Variants in DMTN observed in about 807,000 individuals in gnomAD.
DMTN encodes the protein dematin.
Under a neutral mutation model 59.4 loss-of-function variants are expected in DMTN, and 27 were observed. That is an observed-to-expected ratio of 0.45 (90% CI 0.33 to 0.63). The LOEUF is 0.63. Among genes scored for constraint, DMTN ranks in the 20% least tolerant of loss-of-function variants. The pLI is 0.02. For synonymous variants in DMTN, 221 were observed against 203.7 expected, an observed-to-expected ratio of 1.08 and a Z score of -0.72; for missense variants, 451 against 528.9, an observed-to-expected ratio of 0.85 and a Z score of 1.45.
At chr8:22,080,280 G>T in intron 11 of DMTN, 36 bp downstream of exon 11, 1 of 1,614,096 alleles carries the variant, frequency 6.2e-7, no homozygotes, top group African/African-American at 1.3e-5. Flanking sequence ...GACTACGTGG[G>T]AGGAACGTGC....
At chr8:22,078,335 A>G (rs7017778) in intron 10 of DMTN, among the ~76,000 whole-genome samples, 143,197 of 151,586 alleles carry the variant, frequency 0.94, 67,751 homozygotes, top group East Asian at 0.99. Context: ...ACTGCACTCC[A>G]GCCTAGGCAA....
chr8:22,065,885 G>A (rs1483239998), intron 1 of DMTN, among the ~76,000 whole-genome samples: 1 of 146,744 alleles, frequency 6.8e-6, no homozygotes, highest in Non-Finnish European at 1.5e-5. Flanking sequence ...CTGTCACCCA[G>A]GCTGGAGTGC....
In DMTN at chr8:22,081,719, G is replaced by A; in HGVS notation, c.*256G>A. 1 of 577,236 alleles carries A rather than the reference G, an allele frequency of 1.7e-6. No individual in the cohort carries two copies. Among genetic ancestry groups the A allele is most frequent in the Non-Finnish European group, 3.2e-6 (1 of 313,738 alleles). The allele number at this position is 577,236 out of a possible 1,614,324, so 35.8% of individuals were successfully genotyped here. The stretch of plus-strand genomic sequence containing the variant: ...GCCAGTCTGGGCTCTGGCACACAGA[G>A]TTCATGTTTGCGCCCTCTCCCTGCC... On this transcript the variant is annotated 3_prime_UTR_variant, in exon 16 of 16. Coordinates refer to ENST00000358242, the MANE Select transcript of DMTN (RefSeq NM_001387751.1).
At chr8:22,051,262 C>T (rs1801327451), upstream of DMTN, among the ~76,000 whole-genome samples, 1 of 152,206 alleles carries the variant, frequency 6.6e-6, no homozygotes. Context: ...CAAGAACTCT[C>T]ACTAAGAATG....
In DMTN at chr8:22,069,060, G is replaced by A; in HGVS notation, c.294G>A (p.Glu98=). 6.2e-7 allele frequency: 1 copy of A among 1,611,638 alleles called. No homozygotes were observed. The highest frequency in any genetic ancestry group is 8.5e-7 in the Non-Finnish European group (1 of 1,178,786). Residue 98 remains glutamate, a splice_region_variant and synonymous_variant, in exon 5 of 16, where the codon GAG becomes GAA. Coordinates refer to ENST00000358242, the MANE Select transcript of DMTN (RefSeq NM_001387751.1). ...CCACATCCCCCCCACCATCCCCAGA[G>A]GTGAGTCTGCCCCACACCTGCAACT... ...PKSTSPPPSP[E]VWADSRSPGI... is the part of the protein sequence containing the mutation.
At position 22,058,844 on chromosome 8, in the gene DMTN, C is replaced by T. The variant is rs1049739459; in HGVS notation, c.-172+1708C>T. 3.9e-5 allele frequency among the ~76,000 whole-genome samples: 6 copies of T among 152,034 alleles called. No homozygotes were observed. Among genetic ancestry groups the T allele is most frequent in the Admixed American group, 2.0e-4 (3 of 15,284 alleles). On this transcript the variant is annotated intron_variant, in intron 1 of 15. Coordinates refer to ENST00000358242, the MANE Select transcript of DMTN (RefSeq NM_001387751.1). This position sits in a 1 kb window ranked among gnomAD's most constrained non-coding sequence, Gnocchi z 4.3. Reference sequence around the variant, plus strand: ...TAGGACAGACTTGGAGTTCAGGCTTCGCCTAAGTAAGGGACACCTCTGATG... The same window carrying T: ...TAGGACAGACTTGGAGTTCAGGCTTTGCCTAAGTAAGGGACACCTCTGATG...
intron 7 of DMTN, 66 bp from the exon 8 acceptor site, chr8:22,070,116 G>A: frequency 6.4e-7 from 1 of 1,555,392 alleles, no homozygotes; most frequent in Non-Finnish European, 8.7e-7. Context: ...TGAGGGGGGA[G>A]GGGTGAAGGT....
upstream of DMTN, among the ~76,000 whole-genome samples, chr8:22,053,080 G>A (rs1018885086): frequency 6.6e-5 from 10 of 152,148 alleles, no homozygotes; most frequent in African/African-American, 1.2e-4. Flanking sequence ...GGAAAATGAC[G>A]AGAGGAAAAA....
At chr8:22,052,838 A>G (rs1585566516), upstream of DMTN, among the ~76,000 whole-genome samples, 1 of 152,106 alleles carries the variant, frequency 6.6e-6, no homozygotes, top group Non-Finnish European at 1.5e-5. Flanking sequence ...CCCATGTAGC[A>G]CATGTGGATG....
chr8:22,082,213 A>C lies in DMTN; in HGVS notation c.*750A>C. On this transcript the variant is annotated 3_prime_UTR_variant, in exon 16 of 16. Coordinates refer to ENST00000358242, the MANE Select transcript of DMTN (RefSeq NM_001387751.1). ...CTCCCTTGGATGGGGTCAAGAGGCC[A>C]GGCCTGGCACATTTTGGAGTGTCCT... 1 of 456,950 alleles carries C rather than the reference A, an allele frequency of 2.2e-6. No individual in the cohort carries two copies. Among genetic ancestry groups the C allele is most frequent in the Non-Finnish European group, 4.4e-6 (1 of 227,024 alleles). The allele number at this position is 456,950 out of a possible 1,614,324, so 28.3% of individuals were successfully genotyped here. A position where few individuals can be genotyped will look rare whatever the true frequency, so the allele number is the denominator to read the frequency against.
rs757026557 is a variant in DMTN, at chr8:22,072,372, AGAG to A, written c.663_665del (p.Glu222del). 4.4e-5 allele frequency: 71 copies of A among 1,603,024 alleles called. No individual in the cohort carries two copies. Among genetic ancestry groups the A allele is most frequent in the Admixed American group, 1.7e-4 (10 of 58,838 alleles). ...AGGCGTCTCGGAGGGGAGCAGAGGAAGAGGAGGAGGAGGAAGATGACGACTCTG... is the reference window on the plus strand; with the variant it reads ...AGGCGTCTCGGAGGGGAGCAGAGGAAGAGGAGGAGGAAGATGACGACTCTG... On this transcript the variant is annotated inframe_deletion, in exon 9 of 16. Coordinates refer to ENST00000358242, the MANE Select transcript of DMTN (RefSeq NM_001387751.1).
chr8:22,075,319 T>TCCC (rs1312728994), intron 10 of DMTN, among the ~76,000 whole-genome samples: 3 of 146,728 alleles, frequency 2.0e-5, no homozygotes, highest in African/African-American at 5.0e-5. Context: ...CCCCTCCCCC[T>TCCC]TCTTCTTCTT....
At position 22,067,402 on chromosome 8, in the gene DMTN, A is replaced by G. The variant is rs561003508; in HGVS notation, c.94-125A>G. 1.0e-4 allele frequency: 139 copies of G among 1,389,676 alleles called. No individual in the cohort carries two copies. In the African/African-American group the frequency reaches 1.7e-3, roughly 17 times the overall value. The allele number at this position is 1,389,676 out of a possible 1,614,324, so 86.1% of individuals were successfully genotyped here. A position where few individuals can be genotyped will look rare whatever the true frequency, so the allele number is the denominator to read the frequency against. ...TTAAGGTGACTAATTTCTTAAAATA[A>G]TAGAATTGTTAACGTCTGCAATGGC... On this transcript the variant is annotated intron_variant, in intron 3 of 15. Coordinates refer to ENST00000358242, the MANE Select transcript of DMTN (RefSeq NM_001387751.1).
In DMTN at chr8:22,081,558, G is replaced by C. The variant is rs974362795; in HGVS notation, c.*95G>C. ...AGGGGCAGGAGGTGGGGTGGAAATAGGGTGGGCTCCTTTCCTCAGGTAGAG... is the reference window on the plus strand; with the variant it reads ...AGGGGCAGGAGGTGGGGTGGAAATACGGTGGGCTCCTTTCCTCAGGTAGAG... On this transcript the variant is annotated 3_prime_UTR_variant, in exon 16 of 16. Transcript: ENST00000358242. The C allele has an allele frequency of 2.0e-5, 22 of 1,097,340 alleles. No homozygotes were observed. The African/African-American group carries it at 2.9e-4, about 15-fold the overall frequency. The allele number at this position is 1,097,340 out of a possible 1,614,324, so 68.0% of individuals were successfully genotyped here. A position where few individuals can be genotyped will look rare whatever the true frequency, so the allele number is the denominator to read the frequency against.
In DMTN at chr8:22,075,516, A is replaced by ATTTTTTTTT. The variant is rs386412281; in HGVS notation, c.835+1696_835+1704dup. Among the ~76,000 whole-genome samples, 25 of 87,722 alleles carry ATTTTTTTTT rather than the reference A, an allele frequency of 2.8e-4. 1 individual carries two copies. The highest frequency in any genetic ancestry group is 4.9e-4 in the Admixed American group (3 of 6,112). The allele number at this position is 87,722 out of a possible 152,430, so 57.5% of individuals were successfully genotyped here. A position where few individuals can be genotyped will look rare whatever the true frequency, so the allele number is the denominator to read the frequency against. On this transcript the variant is annotated intron_variant, in intron 10 of 15. Transcript: ENST00000358242. The stretch of plus-strand genomic sequence containing the variant: ...GGTGCATGCCACCATGCCCAGCTAA[A>ATTTTTTTTT]TTTTTTTTTTTTTTTTTTTTTTTAG...
In DMTN at chr8:22,069,032, A is replaced by C; in HGVS notation, c.266A>C (p.Lys89Thr). The change falls in exon 5 of 16, where the codon AAA becomes ACA. Residue 89 changes from lysine (K) to threonine (T), a missense_variant. By Grantham distance (78) the Lys-to-Thr change is moderately conservative (BLOSUM62 -1). Transcript: ENST00000358242. ...PRSRERSLSPKSTSPPPSPEV... is the reference protein window; with the variant it reads ...PRSRERSLSPTSTSPPPSPEV... ...CATTCACAGCGCTCGCTGTCACCCA[A>C]ATCCACATCCCCCCCACCATCCCCA... 3.1e-6 allele frequency: 5 copies of C among 1,612,402 alleles called. No individual in the cohort carries two copies. Among genetic ancestry groups the C allele is most frequent in the Non-Finnish European group, 4.2e-6 (5 of 1,179,148 alleles).
At chr8:22,065,806 G>A (rs1810129955) in intron 1 of DMTN, among the ~76,000 whole-genome samples, 2 of 146,224 alleles carry the variant, frequency 1.4e-5, no homozygotes, top group Middle Eastern at 3.3e-3. Flanking sequence ...CTGCGCTCCG[G>A]CCTGGGCGAC....
intron 12 of DMTN, 23 bp from the exon 13 acceptor site, chr8:22,080,595 C>T: frequency 6.2e-7 from 1 of 1,610,906 alleles, no homozygotes; most frequent in Non-Finnish European, 8.5e-7. Flanking sequence ...CTGCATCTGA[C>T]CCATGCCCCT....
At position 22,066,831 on chromosome 8, in the gene DMTN, C is replaced by T. The variant is rs1210954026; in HGVS notation, c.-45C>T. The stretch of plus-strand genomic sequence containing the variant: ...CCTGACACGCTGTCCTCTCCCCTCG[C>T]GCACAGGGCTCTGCGAGTGACCCGG... On this transcript the variant is annotated 5_prime_UTR_variant, in exon 2 of 16. Transcript: ENST00000358242. The T allele has an allele frequency of 2.8e-6, 4 of 1,421,870 alleles. No individual in the cohort carries two copies. Among genetic ancestry groups the T allele is most frequent in the African/African-American group, 1.5e-5 (1 of 67,160 alleles). 88.1% of individuals were successfully genotyped at this position (1,421,870 alleles called of 1,614,324 possible). A position where few individuals can be genotyped will look rare whatever the true frequency, so the allele number is the denominator to read the frequency against.
Sources: allele counts gnomAD v4.1 joint callset (sites outside exome capture counted in the v4.1 genomes callset), GRCh38; gene constraint gnomAD v4.1.1; non-coding constraint Gnocchi (gnomAD v3.1); transcripts MANE v1.5; gene names NCBI Gene and HGNC (gene_info 2026-07-23, HGNC 2026-07-21).